Variants in XRCC2 observed in about 807,000 individuals in gnomAD.
XRCC2 encodes the protein X-ray repair cross complementing 2.
Under a neutral mutation model 27.3 loss-of-function variants are expected in XRCC2, and 24 were observed. The ratio of observed to expected loss-of-function variants is 0.88; its 90% CI spans 0.64 to 1.24. The LOEUF is 1.24. Ranked by LOEUF, XRCC2 falls within the 50% of genes most tolerant of loss-of-function variation. XRCC2 has a pLI of 0.00. For missense variants in XRCC2, 321 were observed against 325.8 expected (o/e 0.99, Z 0.11); for synonymous variants, 106 against 115.4 (o/e 0.92, Z 0.52).
chr7:152,672,242 C>G, intron 1 of XRCC2, among the ~76,000 whole-genome samples: 1 of 151,982 alleles, frequency 6.6e-6, no homozygotes, highest in Admixed American at 6.6e-5. Flanking sequence ...GGATTCTATT[C>G]TGGGTAAAAG....
At chr7:152,654,053 G>A (rs1175532323) in intron 2 of XRCC2, among the ~76,000 whole-genome samples, 1 of 152,004 alleles carries the variant, frequency 6.6e-6, no homozygotes, top group African/African-American at 2.4e-5. Flanking sequence ...AAAATTAGCT[G>A]GGCATGGTGG....
In XRCC2 at chr7:152,649,191, G is replaced by A. The variant is rs1315238626; in HGVS notation, c.294C>T (p.His98=). The change falls in exon 3 of 3, where the codon CAC becomes CAT. Residue 98 remains histidine, a synonymous_variant. Transcript: ENST00000359321. ...TTTCTTCAGAGCTTTGGGATAGTCT[G>A]TGCTCAAGAATTGTAACTAGCCGGA... ...DMLRLVTILE[H]RLSQSSEEII... 6.2e-7 allele frequency: 1 copy of A among 1,613,768 alleles called. No homozygotes were observed. Among genetic ancestry groups the A allele is most frequent in the Non-Finnish European group, 8.5e-7 (1 of 1,180,016 alleles).
rs1010543354 is a variant in XRCC2, at chr7:152,654,181, G to A, written c.122-4818C>T. ...CATTGCACTTCAGCCTGGGCAACAG[G>A]AGTGAAACTCCATCTCAAAAAAAAA... On this transcript the variant is annotated intron_variant, in intron 2 of 2. Coordinates refer to ENST00000359321, the MANE Select transcript of XRCC2 (RefSeq NM_005431.2). Among the ~76,000 whole-genome samples the A allele has an allele frequency of 3.6e-5, 4 of 111,104 alleles. No individual in the cohort carries two copies. In the East Asian group the frequency reaches 1.2e-3, roughly 32 times the overall value. 72.9% of individuals were successfully genotyped at this position (111,104 alleles called of 152,430 possible). A position where few individuals can be genotyped will look rare whatever the true frequency, so the allele number is the denominator to read the frequency against.
intron 1 of XRCC2, among the ~76,000 whole-genome samples, chr7:152,662,764 G>A (rs1322026106): frequency 3.3e-5 from 5 of 150,980 alleles, no homozygotes. Context: ...TAGTAGAGAC[G>A]GGGTTTCACC....
intron 1 of XRCC2, among the ~76,000 whole-genome samples, chr7:152,672,378 C>G (rs1349913481): frequency 2.0e-5 from 3 of 152,184 alleles, no homozygotes; most frequent in African/African-American, 7.2e-5. Flanking sequence ...AAAGACCACC[C>G]TGTAGCTTTT....
rs530663304 is a variant in XRCC2, at chr7:152,649,330, G to A, written c.155C>T (p.Thr52Ile). 6.2e-7 allele frequency: 1 copy of A among 1,607,390 alleles called. No individual in the cohort carries two copies. The highest frequency in any genetic ancestry group is 8.5e-7 in the Non-Finnish European group (1 of 1,177,432). Residue 52 changes from threonine to isoleucine, a missense_variant, in exon 3 of 3, where the codon ACA becomes ATA. Physicochemically the swap from Thr to Ile is moderately conservative, Grantham distance 89. Transcript: ENST00000359321. ...GTGATAAAGCATTTCTGTTTTTCCT[G>A]TTCCTTCTGGGCCATGAAATTCAAG... ...DILEFHGPEG[T>I]GKTEMLYHLT...
chr7:152,672,776 T>A (rs1347774951), intron 1 of XRCC2, among the ~76,000 whole-genome samples: 1 of 152,212 alleles, frequency 6.6e-6, no homozygotes, highest in Non-Finnish European at 1.5e-5. Context: ...ACTGCTTTAA[T>A]AATAAATATA....
At chr7:152,651,035 G>A (rs1431310390) in intron 2 of XRCC2, among the ~76,000 whole-genome samples, 1 of 152,008 alleles carries the variant, frequency 6.6e-6, no homozygotes, top group East Asian at 1.9e-4. Context: ...CGCCTCCTGG[G>A]TTCAAGCAAT....
intron 1 of XRCC2, 145 bp downstream of exon 1, chr7:152,675,896 C>T: frequency 1.9e-6 from 2 of 1,051,606 alleles, no homozygotes; most frequent in Non-Finnish European, 2.8e-6. Context: ...GTGCCAGCAT[C>T]GCGGGCGTCT....
chr7:152,662,595 C>T (rs1354976389), intron 1 of XRCC2, among the ~76,000 whole-genome samples: 6 of 94,894 alleles, frequency 6.3e-5, no homozygotes, highest in African/African-American at 1.7e-4. Context: ...TTTTTTGAGA[C>T]GGAGTCTCGC....
chr7:152,670,487 A>G (rs1431713771), intron 1 of XRCC2, among the ~76,000 whole-genome samples: 1 of 152,214 alleles, frequency 6.6e-6, no homozygotes, highest in African/African-American at 2.4e-5. Flanking sequence ...GCAAACCTCT[A>G]TTACACAGAA....
At chr7:152,667,425 A>G (rs2117006394) in intron 1 of XRCC2, among the ~76,000 whole-genome samples, 1 of 82,240 alleles carries the variant, frequency 1.2e-5, no homozygotes, top group African/African-American at 5.1e-5. Context: ...AAAAAAAAAA[A>G]AGAAAAAAAG....
At chr7:152,665,510 T>A (rs931780599) in intron 1 of XRCC2, among the ~76,000 whole-genome samples, 10 of 143,706 alleles carry the variant, frequency 7.0e-5, no homozygotes, top group African/African-American at 2.6e-4. Flanking sequence ...TTTTTTTTTT[T>A]AGACAGGGTC....
At chr7:152,674,599 G>A (rs536775459) in intron 1 of XRCC2, among the ~76,000 whole-genome samples, 44 of 148,424 alleles carry the variant, frequency 3.0e-4, no homozygotes, top group Non-Finnish European at 6.2e-4. Flanking sequence ...GCAACAGAGC[G>A]AGAGTTCATC....
At chr7:152,668,238 C>T (rs559886981) in intron 1 of XRCC2, among the ~76,000 whole-genome samples, 95 of 152,172 alleles carry the variant, frequency 6.2e-4, no homozygotes, top group African/African-American at 2.3e-3. Context: ...TTCTGTCCCA[C>T]GTGGGACATG....
intron 1 of XRCC2, among the ~76,000 whole-genome samples, chr7:152,672,331 C>G (rs537777763): frequency 4.6e-5 from 7 of 152,314 alleles, no homozygotes; most frequent in African/African-American, 1.7e-4. Flanking sequence ...TTACAAGAAA[C>G]ATTAAATATT....
rs1336682994 is a variant in XRCC2 at position 152,646,211 on chromosome 7, G to A, written c.*2431C>T. 2.0e-5 allele frequency: 3 copies of A among 151,894 alleles called. No homozygotes were observed. Among genetic ancestry groups the A allele is most frequent in the African/African-American group, 7.3e-5 (3 of 41,306 alleles). 9.4% of individuals were successfully genotyped at this position (151,894 alleles called of 1,614,324 possible). A position where few individuals can be genotyped will look rare whatever the true frequency, so the allele number is the denominator to read the frequency against. ...ATGTTGATACTTTTCCCCTTCTCCCGGACAATGCAAGGACCTTAGCACACT... is the reference window on the plus strand; with the variant it reads ...ATGTTGATACTTTTCCCCTTCTCCCAGACAATGCAAGGACCTTAGCACACT... On this transcript the variant is annotated 3_prime_UTR_variant, in exon 3 of 3. Transcript: ENST00000359321.
chr7:152,664,628 T>C (rs967343453), intron 1 of XRCC2, among the ~76,000 whole-genome samples: 1 of 152,194 alleles, frequency 6.6e-6, no homozygotes, highest in Non-Finnish European at 1.5e-5. Flanking sequence ...TCTCAGCCCT[T>C]CAGACTCAGA....
intron 2 of XRCC2, among the ~76,000 whole-genome samples, chr7:152,658,344 G>A (rs1256801807): frequency 6.6e-6 from 1 of 152,042 alleles, no homozygotes; most frequent in Non-Finnish European, 1.5e-5. Context: ...TAGAGACGGG[G>A]TTTCACCATG....
Sources: gnomAD v4.1 joint callset for allele counts (sites outside exome capture counted in the v4.1 genomes callset) on GRCh38, gnomAD v4.1.1 for gene constraint, MANE v1.5 for transcripts, NCBI Gene and HGNC (gene_info 2026-07-23, HGNC 2026-07-21) for gene names.